EFHB: variants seen among roughly 807,000 people sequenced by gnomAD.
The protein encoded by EFHB is EF-hand domain-containing family member B.
In EFHB, 91 loss-of-function variants were observed where a neutral mutation model predicts 87.2. That is an observed-to-expected ratio of 1.04 (90% confidence interval 0.88 to 1.24). EFHB has a LOEUF of 1.24. EFHB is among the 50% of genes most tolerant of loss of function. The pLI, the probability that EFHB is intolerant of heterozygous loss-of-function variation, is 0.00. For synonymous variants in EFHB, 325 were observed against 333.6 expected (o/e 0.97, Z 0.28); for missense variants, 1,084 against 998.8 (o/e 1.09, Z -1.15).
rs937551529 is a variant in EFHB, at chr3:19,912,060, C to A, written c.1288+3243G>T. Among the ~76,000 whole-genome samples, 228 of 152,076 alleles carry A rather than the reference C, an allele frequency of 1.5e-3. 1 individual carries two copies. Among genetic ancestry groups the A allele is most frequent in the Non-Finnish European group, 1.0e-3 (68 of 68,002 alleles). On this transcript the variant is annotated intron_variant, in intron 5 of 12. Coordinates refer to ENST00000295824, the MANE Select transcript of EFHB (RefSeq NM_144715.4). The stretch of plus-strand genomic sequence containing the variant: ...TTCAAAGGGATAACAGAGAACTTCC[C>A]AAACCTAGAGAAAGATATCAATATC...
upstream of EFHB, chr3:19,936,451 C>G (rs1696024232): frequency 2.2e-6 from 1 of 456,940 alleles, no homozygotes; most frequent in African/African-American, 2.0e-5. Flanking sequence ...ATAGTCCTAG[C>G]TACTCAGGAG....
rs750899303 is a variant in EFHB at position 19,933,406 on chromosome 3, T to C, written c.613A>G (p.Thr205Ala). Reference sequence around the variant, plus strand: ...CCCATTTGGGGCTCTGTATTCTTAGTCTCATCTGGCCCCTCGGCTTGGGTT... The same window carrying C: ...CCCATTTGGGGCTCTGTATTCTTAGCCTCATCTGGCCCCTCGGCTTGGGTT... The part of the protein sequence containing the change: ...GLTQAEGPDE[T>A]KNTEPQMGLV... The change falls in exon 1 of 13, where the codon ACT becomes GCT. Residue 205 changes from threonine (T) to alanine (A), a missense_variant. Coordinates refer to ENST00000295824, the MANE Select transcript of EFHB (RefSeq NM_144715.4). 6 of 1,613,890 alleles carry C rather than the reference T, an allele frequency of 3.7e-6. No individual in the cohort carries two copies. In the South Asian group the frequency reaches 6.6e-5, roughly 18 times the overall value.
chr3:19,915,718 G>A (rs1439956317), intron 4 of EFHB, among the ~76,000 whole-genome samples: 2 of 150,566 alleles, frequency 1.3e-5, no homozygotes, highest in African/African-American at 2.4e-5. Context: ...TCAGGAGTTC[G>A]AGATCAGCCT....
intron 1 of EFHB, among the ~76,000 whole-genome samples, 157 bp from the exon 2 acceptor site, chr3:19,920,724 T>C (rs1224486784): frequency 6.6e-6 from 1 of 152,200 alleles, no homozygotes; most frequent in Non-Finnish European, 1.5e-5. Context: ...TAAAGCAATC[T>C]TCATACGTAA....
At chr3:19,889,014 G>A (rs1456144208) in intron 9 of EFHB, among the ~76,000 whole-genome samples, 1 of 152,240 alleles carries the variant, frequency 6.6e-6, no homozygotes, top group Admixed American at 6.5e-5. Flanking sequence ...CACGGAGGTG[G>A]GTTCAAAGAC....
At chr3:19,881,006 A>T (rs1227460844) in intron 12 of EFHB, among the ~76,000 whole-genome samples, 2 of 152,234 alleles carry the variant, frequency 1.3e-5, no homozygotes, top group African/African-American at 4.8e-5. Flanking sequence ...GAATCTCAAC[A>T]ATTAAAAAAT....
intron 1 of EFHB, among the ~76,000 whole-genome samples, chr3:19,939,445 C>T (rs536820838): frequency 5.1e-4 from 63 of 124,656 alleles, no homozygotes; most frequent in East Asian, 2.7e-4. Context: ...AGTGCAGTGG[C>T]GCGATCTTGG....
chr3:19,938,040 C>T (rs1345580258), upstream of EFHB, among the ~76,000 whole-genome samples: 3 of 152,142 alleles, frequency 2.0e-5, no homozygotes, highest in Admixed American at 6.5e-5. Flanking sequence ...GGCATCCATC[C>T]GAACTTGTTT....
intron 1 of EFHB, among the ~76,000 whole-genome samples, chr3:19,924,236 C>T (rs1259068928): frequency 2.1e-5 from 3 of 144,692 alleles, no homozygotes; most frequent in Non-Finnish European, 4.5e-5. Flanking sequence ...TTTTTTGAGA[C>T]AGAGTCGTCC....
chr3:19,889,051 A>G (rs1181602376), intron 9 of EFHB, among the ~76,000 whole-genome samples: 2 of 152,206 alleles, frequency 1.3e-5, no homozygotes, highest in Non-Finnish European at 2.9e-5. Context: ...TAACACTCCT[A>G]TGGGCAAGAG....
intron 1 of EFHB, among the ~76,000 whole-genome samples, chr3:19,927,411 T>C (rs368883619): frequency 2.8e-4 from 42 of 152,320 alleles, no homozygotes; most frequent in South Asian, 2.3e-3. Flanking sequence ...CCAGTATTTC[T>C]TGGAAACTTT....
intron 1 of EFHB, among the ~76,000 whole-genome samples, chr3:19,923,481 T>G (rs1553634263): frequency 6.6e-6 from 1 of 152,132 alleles, no homozygotes; most frequent in Non-Finnish European, 1.5e-5. Flanking sequence ...TCTACCATCC[T>G]CCCACCTCAG....
intron 5 of EFHB, 122 bp from the exon 6 acceptor site, chr3:19,905,871 A>G (rs1694826346): frequency 2.4e-6 from 3 of 1,268,122 alleles, no homozygotes; most frequent in African/African-American, 3.0e-5. Flanking sequence ...AAATTGTAAC[A>G]GTGCAGAAAC....
intron 1 of EFHB, among the ~76,000 whole-genome samples, chr3:19,945,101 C>T (rs886249052): frequency 6.6e-6 from 1 of 152,084 alleles, no homozygotes; most frequent in African/African-American, 2.4e-5. Flanking sequence ...CTGGCTAAGA[C>T]GGAGCCAGCA....
At chr3:19,939,534 G>A (rs1037692161) in intron 1 of EFHB, among the ~76,000 whole-genome samples, 11 of 150,598 alleles carry the variant, frequency 7.3e-5, no homozygotes, top group Admixed American at 2.0e-4. Context: ...ACAGGCGCCC[G>A]CCACCACACC....
intron 1 of EFHB, among the ~76,000 whole-genome samples, chr3:19,923,194 G>A (rs1162110415): frequency 6.6e-6 from 1 of 151,918 alleles, no homozygotes; most frequent in African/African-American, 2.4e-5. Flanking sequence ...TGGAACCCAG[G>A]AGGCGGAGGT....
At chr3:19,905,880 A>T in intron 5 of EFHB, 131 bp from the exon 6 acceptor site, 1 of 1,133,648 alleles carries the variant, frequency 8.8e-7, no homozygotes, top group Non-Finnish European at 1.2e-6. Flanking sequence ...CAGTGCAGAA[A>T]CTGCACAGAT....
At chr3:19,938,066 T>A (rs1317804136), upstream of EFHB, among the ~76,000 whole-genome samples, 7 of 152,218 alleles carry the variant, frequency 4.6e-5, no homozygotes, top group Non-Finnish European at 8.8e-5. Context: ...CATTTATGTG[T>A]TCTTCCCTAG....
upstream of EFHB, among the ~76,000 whole-genome samples, chr3:19,936,984 C>T (rs1194969807): frequency 6.6e-6 from 1 of 151,904 alleles, no homozygotes; most frequent in East Asian, 1.9e-4. Flanking sequence ...GCCTGGCCAA[C>T]ATGACGAAAC....
Sources: gnomAD v4.1 joint callset for allele counts (sites outside exome capture counted in the v4.1 genomes callset) on GRCh38, gnomAD v4.1.1 for gene constraint, MANE v1.5 for transcripts, NCBI Gene and HGNC (gene_info 2026-07-23, HGNC 2026-07-21) for gene names.